The following LAMA4 variants were observed in gnomAD, a reference collection of about 807,000 sequenced individuals.
LAMA4 encodes the protein laminin subunit alpha 4, also known as laminin subunit alpha-4.
In LAMA4, 127 loss-of-function variants were observed where a neutral mutation model predicts 207.1. The observed-to-expected ratio is 0.61, with a 90% confidence interval of 0.53 to 0.71. LAMA4 has a LOEUF of 0.71. Ranked by LOEUF, LAMA4 falls within the 30% of genes least tolerant of loss-of-function variation. The pLI, the probability that LAMA4 is intolerant of heterozygous loss-of-function variation, is 0.00. For missense variants in LAMA4, 2,093 were observed against 2,246.5 expected, an observed-to-expected ratio of 0.93 and a Z score of 1.38; for synonymous variants, 761 against 816.0, an observed-to-expected ratio of 0.93 and a Z score of 1.15.
intron 12 of LAMA4, 104 bp downstream of exon 12, chr6:112,172,507 T>G: frequency 9.9e-7 from 1 of 1,013,214 alleles, no homozygotes; most frequent in Non-Finnish European, 1.5e-6. Flanking sequence ...ATATAAGTAT[T>G]TAACTATACC....
intron 3 of LAMA4, chr6:112,213,975 T>A: frequency 1.4e-6 from 1 of 723,118 alleles, no homozygotes. Flanking sequence ...CTACAAGAAG[T>A]GTTCATGTTG....
At chr6:112,110,785 T>C (rs1777645308) in intron 38 of LAMA4, among the ~76,000 whole-genome samples, 1 of 152,228 alleles carries the variant, frequency 6.6e-6, no homozygotes, top group Non-Finnish European at 1.5e-5. Context: ...CTTTGGCTTA[T>C]GAGGGAAATC....
chr6:112,133,910 T>G (rs1220507538), intron 26 of LAMA4, among the ~76,000 whole-genome samples: 1 of 152,210 alleles, frequency 6.6e-6, no homozygotes, highest in African/African-American at 2.4e-5. Context: ...AATTATTCTC[T>G]TATGTCACAA....
intron 17 of LAMA4, among the ~76,000 whole-genome samples, chr6:112,149,889 T>C (rs1780272472): frequency 6.6e-6 from 1 of 152,138 alleles, no homozygotes; most frequent in South Asian, 2.1e-4. Flanking sequence ...GCTGCACTAG[T>C]TTTTTAACTT....
At chr6:112,213,199 T>C (rs1554357361) in intron 3 of LAMA4, among the ~76,000 whole-genome samples, 1 of 152,218 alleles carries the variant, frequency 6.6e-6, no homozygotes, top group African/African-American at 2.4e-5. Flanking sequence ...ATTGGGCTCC[T>C]GGCTTTCTCC....
At position 112,192,832 on chromosome 6, in the gene LAMA4, T is replaced by C. The variant is rs540362213; in HGVS notation, c.504-982A>G. Among the ~76,000 whole-genome samples, 107 of 152,322 alleles carry C rather than the reference T, an allele frequency of 7.0e-4. 1 individual carries two copies. Among genetic ancestry groups the C allele is most frequent in the African/African-American group, 2.5e-3 (103 of 41,566 alleles). The stretch of plus-strand genomic sequence containing the variant: ...GTGAGTGGTGGGCCTGTAGGCCCCA[T>C]GTAAGGGAAGAGCTGTTACTAGGCT... On this transcript the variant is annotated intron_variant, in intron 5 of 38. Coordinates refer to ENST00000230538, the MANE Select transcript of LAMA4 (RefSeq NM_001105206.3).
At position 112,118,634 on chromosome 6, in the gene LAMA4, C is replaced by T. The variant is rs971943857; in HGVS notation, c.4821+522G>A. 1.3e-5 allele frequency among the ~76,000 whole-genome samples: 2 copies of T among 151,860 alleles called. No individual in the cohort carries two copies. Among genetic ancestry groups the T allele is most frequent in the African/African-American group, 4.8e-5 (2 of 41,354 alleles). On this transcript the variant is annotated intron_variant, in intron 34 of 38. Transcript: ENST00000230538. The surrounding 1 kb of genome is among the most constrained non-coding windows in gnomAD (Gnocchi z 4.6). ...CAATATTTTTAATTTTTAAATTACA[C>T]AAATAATATTTTTCTACTATATTCT...
intron 38 of LAMA4, among the ~76,000 whole-genome samples, chr6:112,110,480 T>C (rs1420763826): frequency 6.6e-6 from 1 of 152,144 alleles, no homozygotes. Flanking sequence ...TTCTAAGCAA[T>C]GTAGGGTAAG....
chr6:112,240,063 C>T (rs1351431816), intron 2 of LAMA4, among the ~76,000 whole-genome samples: 1 of 150,272 alleles, frequency 6.7e-6, no homozygotes, highest in East Asian at 2.0e-4. Flanking sequence ...CTCAAAAAAA[C>T]AAAAAAAAAG....
intron 31 of LAMA4, among the ~76,000 whole-genome samples, chr6:112,125,276 C>T (rs868960142): frequency 4.4e-4 from 67 of 152,142 alleles, no homozygotes; most frequent in African/African-American, 1.5e-3. Flanking sequence ...CTTAGGTTTA[C>T]ATGTTTTCTG....
intron 17 of LAMA4, among the ~76,000 whole-genome samples, chr6:112,149,440 T>C (rs192821085): frequency 3.3e-4 from 51 of 152,254 alleles, no homozygotes; most frequent in East Asian, 1.2e-3. Flanking sequence ...TGGGAAATAA[T>C]TGGATCATGG....
At chr6:112,207,920 G>C (rs1409848976) in intron 3 of LAMA4, among the ~76,000 whole-genome samples, 5 of 152,046 alleles carry the variant, frequency 3.3e-5, no homozygotes, top group African/African-American at 9.7e-5. Context: ...TCTATTCTCA[G>C]CCTCATCACC....
chr6:112,234,959 A>G (rs1376090547), intron 2 of LAMA4, among the ~76,000 whole-genome samples: 1 of 152,164 alleles, frequency 6.6e-6, no homozygotes, highest in Non-Finnish European at 1.5e-5. Flanking sequence ...ACTCATAAAG[A>G]TGATTACTCT....
intron 17 of LAMA4, among the ~76,000 whole-genome samples, chr6:112,150,073 T>TA (rs1780288912): frequency 6.6e-6 from 1 of 152,142 alleles, no homozygotes; most frequent in African/African-American, 2.4e-5. Flanking sequence ...ACTTGACATG[T>TA]AACAGAGGGA....
chr6:112,125,790 A>G (rs1554327511), intron 31 of LAMA4, among the ~76,000 whole-genome samples: 1 of 152,236 alleles, frequency 6.6e-6, no homozygotes. Flanking sequence ...GAAGCAACTG[A>G]AAGTCTATTA....
At chr6:112,199,187 C>G (rs1016077624) in intron 5 of LAMA4, among the ~76,000 whole-genome samples, 7 of 152,110 alleles carry the variant, frequency 4.6e-5, no homozygotes, top group Admixed American at 6.6e-5. Flanking sequence ...CAGAGGTGGG[C>G]GTGCAGTCCT....
At chr6:112,191,572 A>C in intron 6 of LAMA4, 64 bp downstream of exon 6, 2 of 1,195,204 alleles carry the variant, frequency 1.7e-6, no homozygotes, top group Non-Finnish European at 1.2e-6. Context: ...TTCTTCATCT[A>C]AATTCAGTAT....
intron 5 of LAMA4, among the ~76,000 whole-genome samples, chr6:112,195,485 T>C (rs559743615): frequency 6.6e-6 from 1 of 152,188 alleles, no homozygotes; most frequent in Non-Finnish European, 1.5e-5. Flanking sequence ...TAAACCTCAA[T>C]AAAGGTTAGC....
chr6:112,131,941 T>C (rs904844002), intron 28 of LAMA4, among the ~76,000 whole-genome samples: 2 of 152,198 alleles, frequency 1.3e-5, no homozygotes, highest in Non-Finnish European at 2.9e-5. Flanking sequence ...CTACAGACCT[T>C]AGTTTATTCT....
Sources: allele counts gnomAD v4.1 joint callset (sites outside exome capture counted in the v4.1 genomes callset), GRCh38; gene constraint gnomAD v4.1.1; non-coding constraint Gnocchi (gnomAD v3.1); transcripts MANE v1.5; gene names NCBI Gene and HGNC (gene_info 2026-07-23, HGNC 2026-07-21).